FOXP1: variants seen among roughly 807,000 people sequenced by gnomAD.
FOXP1 encodes the protein forkhead box P1, also known as forkhead box protein P1.
Under a neutral mutation model 98.2 loss-of-function variants are expected in FOXP1, and 15 were observed. The ratio of observed to expected loss-of-function variants is 0.15; its 90% CI spans 0.10 to 0.24. The LOEUF is 0.24. FOXP1 is among the 10% of genes least tolerant of loss of function. The pLI is 1.00. For synonymous variants in FOXP1, 371 were observed against 314.5 expected, an observed-to-expected ratio of 1.18 and a Z score of -1.90; for missense variants, 633 against 848.5, an observed-to-expected ratio of 0.75 and a Z score of 3.15.
chr3:71,041,122 C>A (rs944697154), intron 11 of FOXP1, among the ~76,000 whole-genome samples: 1 of 152,174 alleles, frequency 6.6e-6, no homozygotes, highest in Non-Finnish European at 1.5e-5. Flanking sequence ...GAGAGTAGAT[C>A]TACATAAGTG....
At chr3:71,020,587 A>T (rs879364029) in intron 11 of FOXP1, among the ~76,000 whole-genome samples, 7 of 152,286 alleles carry the variant, frequency 4.6e-5, no homozygotes, top group Non-Finnish European at 8.8e-5. Flanking sequence ...TTAGTCCTGT[A>T]AGCTAATTTC....
intron 5 of FOXP1, among the ~76,000 whole-genome samples, chr3:71,224,392 G>A (rs1034039416): frequency 3.9e-5 from 6 of 152,188 alleles, no homozygotes; most frequent in Non-Finnish European, 8.8e-5. Flanking sequence ...GGCAGAAGAA[G>A]GGATAAGGGA....
chr3:71,019,455 T>A (rs1374028393), intron 11 of FOXP1, among the ~76,000 whole-genome samples: 1 of 152,188 alleles, frequency 6.6e-6, no homozygotes, highest in Non-Finnish European at 1.5e-5. Flanking sequence ...TAAGGTGTAT[T>A]TTACCACAAA....
chr3:71,211,501 G>A (rs892866064), intron 5 of FOXP1, among the ~76,000 whole-genome samples: 3 of 151,980 alleles, frequency 2.0e-5, no homozygotes, highest in Admixed American at 6.6e-5. Flanking sequence ...CCACCATGCC[G>A]GGCCCACATT....
rs1028660207 is a variant in FOXP1 at position 71,493,573 on chromosome 3, T to G, written c.-297-18A>C. On this transcript the variant is annotated intron_variant, in intron 2 of 20. Transcript: ENST00000649528. ...CTGGGACACTGCAACACAAAAATAT[T>G]TTTTACACATAACTAAGATGTAACT... 2.0e-5 allele frequency: 3 copies of G among 152,168 alleles called. No individual in the cohort carries two copies. Among genetic ancestry groups the G allele is most frequent in the East Asian group, 3.8e-4 (2 of 5,198 alleles). 9.4% of individuals were successfully genotyped at this position (152,168 alleles called of 1,614,324 possible).
At chr3:71,139,844 C>A (rs1044018793) in intron 6 of FOXP1, among the ~76,000 whole-genome samples, 1 of 152,044 alleles carries the variant, frequency 6.6e-6, no homozygotes, top group Non-Finnish European at 1.5e-5. Flanking sequence ...AGTTGCTTTC[C>A]GGACTGGATA....
chr3:71,021,938 C>G (rs931959577), intron 11 of FOXP1, among the ~76,000 whole-genome samples: 5 of 152,158 alleles, frequency 3.3e-5, no homozygotes, highest in Admixed American at 1.3e-4. Context: ...TGCTTTAAAG[C>G]ACAAACATTT....
At chr3:71,049,418 A>G (rs1210969790) in intron 9 of FOXP1, among the ~76,000 whole-genome samples, 1 of 152,126 alleles carries the variant, frequency 6.6e-6, no homozygotes, top group Non-Finnish European at 1.5e-5. Context: ...AGTCACTTCA[A>G]TAGCTGTATT....
intron 7 of FOXP1, among the ~76,000 whole-genome samples, chr3:71,085,282 C>A (rs1272823060): frequency 6.6e-6 from 1 of 151,994 alleles, no homozygotes; most frequent in African/African-American, 2.4e-5. Context: ...AGCTGCGACT[C>A]CAGGTGCATA....
At chr3:71,078,637 T>C (rs1391756283) in intron 7 of FOXP1, among the ~76,000 whole-genome samples, 3 of 152,000 alleles carry the variant, frequency 2.0e-5, no homozygotes, top group East Asian at 3.8e-4. Context: ...GACATAAGAC[T>C]GGAAGGGCAC....
At chr3:71,270,815 C>T (rs951797557) in intron 5 of FOXP1, among the ~76,000 whole-genome samples, 26 of 152,114 alleles carry the variant, frequency 1.7e-4, no homozygotes, top group African/African-American at 5.6e-4. Context: ...TTTCTGGGGG[C>T]GTTATAAAGT....
intron 4 of FOXP1, among the ~76,000 whole-genome samples, chr3:71,347,800 G>A (rs1231390508): frequency 2.0e-5 from 3 of 151,872 alleles, no homozygotes; most frequent in Non-Finnish European, 2.9e-5. Context: ...CAAGAGAATC[G>A]CTTGAACATG....
At chr3:71,146,364 C>T (rs564790165) in intron 6 of FOXP1, among the ~76,000 whole-genome samples, 1 of 152,232 alleles carries the variant, frequency 6.6e-6, no homozygotes, top group African/African-American at 2.4e-5. Flanking sequence ...CAGTCCTTTT[C>T]ATGAGAATGT....
chr3:71,208,658 A>C (rs1036288733), intron 5 of FOXP1, among the ~76,000 whole-genome samples: 7 of 152,094 alleles, frequency 4.6e-5, no homozygotes, highest in African/African-American at 1.4e-4. Flanking sequence ...TACAGTAAAC[A>C]AGGGGCCCAG....
At chr3:71,260,022 C>T (rs927027295) in intron 5 of FOXP1, among the ~76,000 whole-genome samples, 3 of 152,190 alleles carry the variant, frequency 2.0e-5, no homozygotes, top group Non-Finnish European at 4.4e-5. Flanking sequence ...CTCGCTCTCT[C>T]CCCCAGGCTG....
intron 5 of FOXP1, among the ~76,000 whole-genome samples, chr3:71,210,069 C>T (rs569897369): frequency 6.6e-6 from 1 of 152,204 alleles, no homozygotes; most frequent in South Asian, 2.1e-4. Flanking sequence ...AAAGATACAC[C>T]TAAGTGGATT....
intron 5 of FOXP1, 22 bp from the exon 6 acceptor site, chr3:71,198,414 TGGGGGGAGGGA>T: frequency 1.9e-5 from 3 of 154,640 alleles, no homozygotes; most frequent in Non-Finnish European, 2.7e-5. Context: ...ATTTCCAAGA[TGGGGGGAGGGA>T]GGGGGGGAGA....
intron 3 of FOXP1, among the ~76,000 whole-genome samples, chr3:71,442,018 G>A (rs189017658): frequency 6.6e-6 from 1 of 152,314 alleles, no homozygotes; most frequent in East Asian, 1.9e-4. Flanking sequence ...ATCTTCACCA[G>A]AACCTTCCCA....
intron 2 of FOXP1, among the ~76,000 whole-genome samples, chr3:71,507,659 G>A (rs1488372255): frequency 1.3e-5 from 2 of 151,740 alleles, no homozygotes; most frequent in Non-Finnish European, 2.9e-5. Context: ...CTCACTGCAA[G>A]CTTTGCCTCC....
Sources: gnomAD v4.1 joint callset for allele counts (sites outside exome capture counted in the v4.1 genomes callset) on GRCh38, gnomAD v4.1.1 for gene constraint, MANE v1.5 for transcripts, NCBI Gene and HGNC (gene_info 2026-07-23, HGNC 2026-07-21) for gene names.